Variants in PCNX2 observed in about 807,000 individuals in gnomAD.
PCNX2 encodes pecanex-like protein 2.
PCNX2 carries 168 observed loss-of-function variants against 223.8 expected under a neutral mutation model. The observed-to-expected ratio is 0.75, with a 90% CI of 0.66 to 0.85. The LOEUF (loss-of-function observed/expected upper bound fraction) is 0.85. PCNX2 is among the 40% of genes least tolerant of loss of function. PCNX2 has a pLI of 0.00. For missense variants in PCNX2, 2,507 were observed against 2,675.5 expected (o/e 0.94, Z 1.39); for synonymous variants, 1,006 against 1,052.6 (o/e 0.96, Z 0.86).
In PCNX2 at chr1:233,112,806, G is replaced by T. The variant is rs566143632; in HGVS notation, c.3838-16943C>A. 1.2e-5 allele frequency: 15 copies of T among 1,244,030 alleles called. No homozygotes were observed. The Admixed American group carries it at 3.9e-4, about 32-fold the overall frequency. The allele number at this position is 1,244,030 out of a possible 1,614,324, so 77.1% of individuals were successfully genotyped here. ...AAAAATTTTAAGTCTTACATGCTAG[G>T]CTTGATGTCCCAAATGGGGAGAAAA... On this transcript the variant is annotated intron_variant, in intron 21 of 33. Transcript: ENST00000258229.
At chr1:233,319,666 C>T in the PCNX2 span, among the ~76,000 whole-genome samples, 2,436 of 152,306 alleles carry the variant, frequency 0.016, 69 homozygotes, top group African/African-American at 0.054. Context: ...TGAACAAGTG[C>T]TTTATCGGCA....
intron 17 of PCNX2, among the ~76,000 whole-genome samples, chr1:233,161,863 T>C (rs1328591333): frequency 2.0e-5 from 3 of 151,852 alleles, no homozygotes; most frequent in South Asian, 2.1e-4. Flanking sequence ...AGAAACCTCT[T>C]ATACGTTTCT....
chr1:233,110,585 T>C (rs1276566743), intron 21 of PCNX2, among the ~76,000 whole-genome samples: 2 of 152,144 alleles, frequency 1.3e-5, no homozygotes, highest in Non-Finnish European at 2.9e-5. Flanking sequence ...CACAAAGATA[T>C]AGAGCATTGG....
At chr1:233,230,100 C>A (rs113436805) in intron 9 of PCNX2, among the ~76,000 whole-genome samples, 26 of 152,122 alleles carry the variant, frequency 1.7e-4, no homozygotes, top group Non-Finnish European at 3.1e-4. Flanking sequence ...GAAAACATAA[C>A]AAGAGAGAGT....
chr1:233,078,897 C>A (rs1253549986), intron 23 of PCNX2, among the ~76,000 whole-genome samples: 1 of 152,194 alleles, frequency 6.6e-6, no homozygotes, highest in Non-Finnish European at 1.5e-5. Context: ...CATTTCCATA[C>A]CTCACGTGTC....
In PCNX2 at chr1:232,999,153, G is replaced by A. The variant is rs370700077; in HGVS notation, c.5555C>T (p.Pro1852Leu). The A allele has an allele frequency of 1.5e-5, 25 of 1,613,530 alleles. No homozygotes were observed. The highest frequency in any genetic ancestry group is 1.9e-5 in the Non-Finnish European group (23 of 1,179,758). ...HRQLKNIWGG[P>L]ITLDRIRTWF... is the part of the protein sequence containing the mutation. ...GGTCCTAATTCTGTCCAAAGTGATG[G>A]GTCCACCCCAGATGTTCTTCAGCTG... Residue 1852 changes from proline (P) to leucine (L), a missense_variant, in exon 31 of 34, where the codon CCC (proline) becomes CTC (leucine). By Grantham distance (98) the Pro-to-Leu change is moderately conservative. Transcript: ENST00000258229.
intron 17 of PCNX2, among the ~76,000 whole-genome samples, chr1:233,177,042 T>A (rs1029458635): frequency 1.3e-5 from 2 of 152,086 alleles, no homozygotes; most frequent in Non-Finnish European, 2.9e-5. Flanking sequence ...AAAGGGCTTG[T>A]AAAAAAATAA....
At position 232,991,158 on chromosome 1, in the gene PCNX2, G is replaced by A. The variant is rs1444999039; in HGVS notation, c.5792-4618C>T. 6.6e-6 allele frequency among the ~76,000 whole-genome samples: 1 copy of A among 152,142 alleles called. No individual in the cohort carries two copies. The highest frequency in any genetic ancestry group is 1.5e-5 in the Non-Finnish European group (1 of 68,028). On this transcript the variant is annotated intron_variant, in intron 32 of 33. Coordinates refer to ENST00000258229, the MANE Select transcript of PCNX2 (RefSeq NM_014801.4). This position sits in a 1 kb window ranked among gnomAD's most constrained non-coding sequence, Gnocchi z 4.3. ...TGGAGGGGAGGAGAAAGTGGGGCAG[G>A]GGGACAGCAGTGCTGTATGGAAGGC...
intron 15 of PCNX2, among the ~76,000 whole-genome samples, chr1:233,184,145 A>G (rs1679964219): frequency 6.6e-6 from 1 of 152,238 alleles, no homozygotes. Flanking sequence ...TTTCTCTCAC[A>G]TGTAGCCCAT....
At chr1:233,130,394 C>T (rs972146012) in intron 21 of PCNX2, among the ~76,000 whole-genome samples, 2 of 151,826 alleles carry the variant, frequency 1.3e-5, no homozygotes, top group South Asian at 2.1e-4. Context: ...CCCACCGTCT[C>T]GATACACGGC....
At chr1:233,056,005 T>C (rs944201188) in intron 24 of PCNX2, among the ~76,000 whole-genome samples, 9 of 152,182 alleles carry the variant, frequency 5.9e-5, no homozygotes, top group Admixed American at 5.2e-4. Flanking sequence ...CTCATGACAG[T>C]TGAAAGCTGA....
At chr1:233,130,390 G>A (rs1250414778) in intron 21 of PCNX2, among the ~76,000 whole-genome samples, 1 of 151,640 alleles carries the variant, frequency 6.6e-6, no homozygotes, top group Non-Finnish European at 1.5e-5. Flanking sequence ...CTCACCCACC[G>A]TCTCGATACA....
intron 23 of PCNX2, among the ~76,000 whole-genome samples, chr1:233,080,355 G>A (rs1673297837): frequency 6.6e-6 from 1 of 151,596 alleles, no homozygotes; most frequent in Non-Finnish European, 1.5e-5. Context: ...GCTAAACCAT[G>A]TTAATGCTGA....
chr1:233,306,268 G>A, the PCNX2 span, among the ~76,000 whole-genome samples: 1 of 152,134 alleles, frequency 6.6e-6, no homozygotes, highest in Non-Finnish European at 1.5e-5. Context: ...AATAACAAAA[G>A]CTGACAGAAT....
intron 15 of PCNX2, among the ~76,000 whole-genome samples, chr1:233,198,414 G>A (rs952150452): frequency 2.2e-4 from 34 of 152,130 alleles, no homozygotes; most frequent in African/African-American, 7.2e-4. Flanking sequence ...TGTGTTTTCT[G>A]AAGTTCGTGT....
intron 22 of PCNX2, among the ~76,000 whole-genome samples, chr1:233,095,141 T>C (rs1018348393): frequency 1.3e-5 from 2 of 152,224 alleles, no homozygotes; most frequent in Admixed American, 1.3e-4. Flanking sequence ...GCTATCAATG[T>C]CAAAGTGATG....
At chr1:233,161,486 C>A in intron 17 of PCNX2, 123 bp from the exon 18 acceptor site, 1 of 764,056 alleles carries the variant, frequency 1.3e-6, no homozygotes, top group Admixed American at 2.1e-5. Context: ...CCATCACTTA[C>A]CTGACACACT....
intron 10 of PCNX2, among the ~76,000 whole-genome samples, chr1:233,226,281 G>T (rs373153170): frequency 5.7e-4 from 85 of 149,634 alleles, no homozygotes; most frequent in African/African-American, 1.8e-3. Flanking sequence ...TTTTCTGGGT[G>T]GGGGGGAGAT....
At chr1:233,308,468 AAAAAAGAAAG>A in the PCNX2 span, among the ~76,000 whole-genome samples, 1 of 152,136 alleles carries the variant, frequency 6.6e-6, no homozygotes, top group South Asian at 2.1e-4. Flanking sequence ...AAAAAAACAA[AAAAAAGAAAG>A]AAAAAGAAAA....
Sources: gnomAD v4.1 joint callset for allele counts (sites outside exome capture counted in the v4.1 genomes callset) on GRCh38, gnomAD v4.1.1 for gene constraint, Gnocchi (gnomAD v3.1) non-coding constraint, MANE v1.5 for transcripts, NCBI Gene and HGNC (gene_info 2026-07-23, HGNC 2026-07-21) for gene names.